The following KHDRBS2 variants were observed in gnomAD, a reference collection of about 807,000 sequenced individuals.
The protein encoded by KHDRBS2 is KH RNA binding domain containing, signal transduction associated 2, also known as KH domain-containing, RNA-binding, signal transduction-associated protein 2.
KHDRBS2 carries 26 observed loss-of-function variants against 44.3 expected under a neutral mutation model. The ratio of observed to expected loss-of-function variants is 0.59; its 90% CI spans 0.43 to 0.81. KHDRBS2 has a LOEUF of 0.81. KHDRBS2 is among the 40% of genes least tolerant of loss of function. The pLI, the probability that KHDRBS2 is intolerant of heterozygous loss-of-function variation, is 0.00. For synonymous variants in KHDRBS2, 194 were observed against 151.1 expected (o/e 1.28, Z -2.08); for missense variants, 476 against 433.1 (o/e 1.10, Z -0.88).
intron 4 of KHDRBS2, among the ~76,000 whole-genome samples, chr6:61,970,858 C>T (rs558051690): frequency 6.6e-6 from 1 of 152,144 alleles, no homozygotes; most frequent in South Asian, 2.1e-4. Flanking sequence ...TATAACATGC[C>T]CTCTTCCCAC....
intron 6 of KHDRBS2, among the ~76,000 whole-genome samples, chr6:61,796,430 C>G (rs139412086): frequency 6.6e-6 from 1 of 151,976 alleles, no homozygotes; most frequent in East Asian, 1.9e-4. Context: ...AAAATATTAA[C>G]AGAATATTCA....
At chr6:61,572,780 T>C in the KHDRBS2 span, among the ~76,000 whole-genome samples, 1 of 152,114 alleles carries the variant, frequency 6.6e-6, no homozygotes, top group African/African-American at 2.4e-5. Flanking sequence ...CCTTTATGAT[T>C]AAAGCCCTCA....
At chr6:61,771,298 C>A (rs1024653538) in intron 6 of KHDRBS2, among the ~76,000 whole-genome samples, 1 of 152,122 alleles carries the variant, frequency 6.6e-6, no homozygotes, top group African/African-American at 2.4e-5. Flanking sequence ...AAATAACCAG[C>A]TAACATCATA....
rs1562294025 is a variant in KHDRBS2 at position 61,848,503 on chromosome 6, A to ATATGTG, written c.810+46131_810+46132insCACATA. Among the ~76,000 whole-genome samples, 19 of 59,086 alleles carry ATATGTG rather than the reference A, an allele frequency of 3.2e-4. 1 individual carries two copies. The highest frequency in any genetic ancestry group is 1.8e-3 in the African/African-American group (19 of 10,794). 38.8% of individuals were successfully genotyped at this position (59,086 alleles called of 152,430 possible). A position where few individuals can be genotyped will look rare whatever the true frequency, so the allele number is the denominator to read the frequency against. On this transcript the variant is annotated intron_variant, in intron 6 of 8. Coordinates refer to ENST00000281156, the MANE Select transcript of KHDRBS2 (RefSeq NM_152688.4). ...TATATATATATATGTATATATATAT[A>ATATGTG]TATATATGTATATATGTATATATAT...
chr6:61,756,169 T>A (rs1192464752), intron 6 of KHDRBS2, among the ~76,000 whole-genome samples: 1 of 152,192 alleles, frequency 6.6e-6, no homozygotes, highest in African/African-American at 2.4e-5. Flanking sequence ...GACTCACAGA[T>A]ATAATAATTG....
intron 2 of KHDRBS2, among the ~76,000 whole-genome samples, chr6:62,098,615 C>A (rs550344601): frequency 6.6e-6 from 1 of 152,104 alleles, no homozygotes; most frequent in Non-Finnish European, 1.5e-5. Flanking sequence ...TATGATATGT[C>A]TTGGGGAACA....
the KHDRBS2 span, among the ~76,000 whole-genome samples, chr6:61,607,547 A>AAAAAAAAAAAAAG: frequency 7.1e-6 from 1 of 140,216 alleles, no homozygotes; most frequent in African/African-American, 2.6e-5. Context: ...AAAAAAAAAG[A>AAAAAAAAAAAAAG]TGTGTGAGAA....
At chr6:61,572,978 A>T in the KHDRBS2 span, among the ~76,000 whole-genome samples, 1 of 152,192 alleles carries the variant, frequency 6.6e-6, no homozygotes, top group African/African-American at 2.4e-5. Context: ...GAGTAATCAG[A>T]CAAAACAAAG....
intron 3 of KHDRBS2, among the ~76,000 whole-genome samples, chr6:61,983,085 A>C (rs1424063521): frequency 6.6e-6 from 1 of 152,106 alleles, no homozygotes; most frequent in Non-Finnish European, 1.5e-5. Flanking sequence ...GTTCTCAAAA[A>C]AAAAATTGGA....
chr6:62,257,409 T>A (rs556763974), intron 1 of KHDRBS2, among the ~76,000 whole-genome samples: 3 of 152,086 alleles, frequency 2.0e-5, no homozygotes, highest in Non-Finnish European at 2.9e-5. Flanking sequence ...ATTAAAACTA[T>A]CAAACTCAAA....
intron 6 of KHDRBS2, among the ~76,000 whole-genome samples, chr6:61,815,555 G>A (rs1788782567): frequency 6.6e-6 from 1 of 152,148 alleles, no homozygotes; most frequent in African/African-American, 2.4e-5. Context: ...GCATTTACAA[G>A]AGGTTGGTTG....
intron 2 of KHDRBS2, among the ~76,000 whole-genome samples, chr6:62,169,177 ATG>A (rs1208468831): frequency 7.3e-6 from 1 of 136,080 alleles, no homozygotes; most frequent in African/African-American, 2.8e-5. Flanking sequence ...ATATGTATAT[ATG>A]TATATATACG....
chr6:62,071,950 A>C (rs1795221513), intron 2 of KHDRBS2, among the ~76,000 whole-genome samples: 1 of 152,008 alleles, frequency 6.6e-6, no homozygotes, highest in Non-Finnish European at 1.5e-5. Flanking sequence ...CATTTTCATG[A>C]TATTGATTCT....
chr6:62,105,284 A>G (rs1211933408), intron 2 of KHDRBS2, among the ~76,000 whole-genome samples: 1 of 152,220 alleles, frequency 6.6e-6, no homozygotes, highest in Non-Finnish European at 1.5e-5. Context: ...ACAGGCTGGC[A>G]TTACTCTGGT....
chr6:62,077,847 A>G (rs1433088375), intron 2 of KHDRBS2, among the ~76,000 whole-genome samples: 4 of 152,096 alleles, frequency 2.6e-5, no homozygotes, highest in Non-Finnish European at 5.9e-5. Context: ...TATATCACAA[A>G]GCAATATGAG....
chr6:61,964,728 T>G (rs1051186015), intron 4 of KHDRBS2, among the ~76,000 whole-genome samples: 1 of 152,082 alleles, frequency 6.6e-6, no homozygotes, highest in African/African-American at 2.4e-5. Context: ...GGTCTAGATT[T>G]CAAGTGATTC....
In KHDRBS2 at chr6:62,283,771, C is replaced by A. The variant is rs563037006; in HGVS notation, c.91+2087G>T. 2.6e-5 allele frequency among the ~76,000 whole-genome samples: 4 copies of A among 152,174 alleles called. No homozygotes were observed. In the East Asian group the frequency reaches 5.8e-4, roughly 22 times the overall value. On this transcript the variant is annotated intron_variant, in intron 1 of 8. Coordinates refer to ENST00000281156, the MANE Select transcript of KHDRBS2 (RefSeq NM_152688.4). The stretch of plus-strand genomic sequence containing the variant: ...ATTAAGATTATTGAGATTCCAAGAA[C>A]AATCATCTTACACTCTTTAATTAGC...
At chr6:61,638,980 G>T in the KHDRBS2 span, among the ~76,000 whole-genome samples, 1 of 152,046 alleles carries the variant, frequency 6.6e-6, no homozygotes, top group Non-Finnish European at 1.5e-5. Context: ...GGTTAAATCA[G>T]CTCCAATTTG....
intron 6 of KHDRBS2, among the ~76,000 whole-genome samples, chr6:61,855,536 C>T (rs1333046943): frequency 6.6e-6 from 1 of 151,384 alleles, no homozygotes; most frequent in Non-Finnish European, 1.5e-5. Flanking sequence ...ATTAGAACTA[C>T]ATCTCTTTGG....
Sources: gnomAD v4.1 joint callset for allele counts (sites outside exome capture counted in the v4.1 genomes callset) on GRCh38, gnomAD v4.1.1 for gene constraint, MANE v1.5 for transcripts, NCBI Gene and HGNC (gene_info 2026-07-23, HGNC 2026-07-21) for gene names.